Variants in PTPRT observed in about 807,000 individuals in gnomAD.
The protein encoded by PTPRT is receptor-type tyrosine-protein phosphatase T.
PTPRT carries 56 observed loss-of-function variants against 176.8 expected under a neutral mutation model. That is an observed-to-expected ratio of 0.32 (90% CI 0.26 to 0.40). The LOEUF (loss-of-function observed/expected upper bound fraction) is 0.40, where lower values mean the gene tolerates loss of function less well. PTPRT is among the 10% of genes least tolerant of loss of function. PTPRT has a pLI of 1.00. For synonymous variants in PTPRT, 783 were observed against 739.0 expected (o/e 1.06, Z -0.96); for missense variants, 1,540 against 1,908.2 (o/e 0.81, Z 3.60).
chr20:42,785,767 C>A (rs1286168671), intron 3 of PTPRT, among the ~76,000 whole-genome samples: 1 of 152,194 alleles, frequency 6.6e-6, no homozygotes, highest in Non-Finnish European at 1.5e-5. Flanking sequence ...CTTAACAACA[C>A]TGGCTATTTC....
At chr20:43,003,633 T>G (rs1291484591) in intron 1 of PTPRT, among the ~76,000 whole-genome samples, 1 of 152,224 alleles carries the variant, frequency 6.6e-6, no homozygotes, top group Non-Finnish European at 1.5e-5. Context: ...CAATACAGAT[T>G]TTTAAAAACT....
intron 1 of PTPRT, among the ~76,000 whole-genome samples, chr20:43,057,132 T>C (rs13040901): frequency 0.49 from 73,593 of 149,496 alleles, 19,075 homozygotes; most frequent in African/African-American, 0.65. Flanking sequence ...TGGGGAAGAG[T>C]GTGTCTCTTA....
chr20:42,668,858 ATTTTT>A (rs755121515), intron 7 of PTPRT, among the ~76,000 whole-genome samples: 5 of 81,276 alleles, frequency 6.2e-5, no homozygotes, highest in Non-Finnish European at 1.1e-4. Context: ...CGCCCAGCTA[ATTTTT>A]TTTTTTTTTT....
intron 15 of PTPRT, among the ~76,000 whole-genome samples, chr20:42,233,506 T>C (rs1398812868): frequency 6.6e-6 from 1 of 152,144 alleles, no homozygotes; most frequent in African/African-American, 2.4e-5. Flanking sequence ...TGGGCTAATG[T>C]ATGTACAGAC....
chr20:42,253,389 G>A (rs1322288340), intron 13 of PTPRT, among the ~76,000 whole-genome samples: 1 of 152,184 alleles, frequency 6.6e-6, no homozygotes, highest in Non-Finnish European at 1.5e-5. Flanking sequence ...CCCACTGGAA[G>A]CCCTTCAGTG....
chr20:42,058,153 T>A, the PTPRT span, among the ~76,000 whole-genome samples: 1 of 152,236 alleles, frequency 6.6e-6, no homozygotes, highest in Non-Finnish European at 1.5e-5. Context: ...ACTAATGAGA[T>A]GACCAATGAG....
intron 7 of PTPRT, among the ~76,000 whole-genome samples, chr20:42,672,276 C>T (rs1190145450): frequency 6.6e-6 from 1 of 152,174 alleles, no homozygotes; most frequent in African/African-American, 2.4e-5. Context: ...CATGTAAAGA[C>T]TAGACTGGCT....
chr20:42,099,542 T>TGGGTGGGGGGGGG (rs1325217305), intron 26 of PTPRT, among the ~76,000 whole-genome samples: 2 of 8,708 alleles, frequency 2.3e-4, no homozygotes, highest in Admixed American at 1.4e-3. Context: ...GAAAATGGCC[T>TGGGTGGGGGGGGG]GGGCGGGGGG....
At chr20:42,332,279 G>A (rs1156346357) in intron 11 of PTPRT, among the ~76,000 whole-genome samples, 1 of 151,856 alleles carries the variant, frequency 6.6e-6, no homozygotes, top group Non-Finnish European at 1.5e-5. Flanking sequence ...GCGTAATCTC[G>A]GCTCACTGCA....
intron 7 of PTPRT, among the ~76,000 whole-genome samples, chr20:42,528,817 C>T (rs1009587412): frequency 2.0e-5 from 3 of 152,218 alleles, no homozygotes; most frequent in Non-Finnish European, 4.4e-5. Flanking sequence ...TTAGATATCT[C>T]TATCTCAAAA....
chr20:43,085,576 T>C (rs951665355), intron 1 of PTPRT, among the ~76,000 whole-genome samples: 9 of 152,282 alleles, frequency 5.9e-5, no homozygotes, highest in African/African-American at 2.2e-4. Flanking sequence ...CTCACAATCA[T>C]GGCAGAAGGT....
intron 1 of PTPRT, among the ~76,000 whole-genome samples, chr20:43,083,320 G>GTGTGTATATATATATA (rs1299320498): frequency 2.9e-4 from 11 of 37,382 alleles, no homozygotes; most frequent in East Asian, 1.8e-3. Context: ...CACTTCAAAT[G>GTGTGTATATATATATA]TATATATATA....
chr20:42,335,227 T>C (rs2058023512), intron 11 of PTPRT, among the ~76,000 whole-genome samples: 1 of 152,126 alleles, frequency 6.6e-6, no homozygotes, highest in South Asian at 2.1e-4. Context: ...CACAAAACCA[T>C]CAAACCTTTG....
chr20:43,058,088 T>C (rs1292985773), intron 1 of PTPRT, among the ~76,000 whole-genome samples: 3 of 152,114 alleles, frequency 2.0e-5, no homozygotes, highest in Admixed American at 2.0e-4. Flanking sequence ...TGCACACAGC[T>C]GGAGAGAAGC....
intron 1 of PTPRT, among the ~76,000 whole-genome samples, chr20:43,114,496 G>T (rs1353730916): frequency 6.6e-6 from 1 of 152,194 alleles, no homozygotes; most frequent in Non-Finnish European, 1.5e-5. Context: ...CTGGAATAAT[G>T]CAGCACCTAC....
At chr20:43,184,931 C>A (rs2015353765) in intron 1 of PTPRT, among the ~76,000 whole-genome samples, 1 of 152,146 alleles carries the variant, frequency 6.6e-6, no homozygotes, top group Admixed American at 6.5e-5. Context: ...ATAAAAGTGT[C>A]CAGCAGGACC....
rs1225011786 is a variant in PTPRT, at chr20:42,184,516, C to CCTCT, written c.2491+14723_2491+14724insAGAG. Among the ~76,000 whole-genome samples, 150 of 139,468 alleles carry CCTCT rather than the reference C, an allele frequency of 1.1e-3. 2 individuals carry two copies. Among genetic ancestry groups the CCTCT allele is most frequent in the African/African-American group, 3.7e-3 (138 of 36,948 alleles). The allele number at this position is 139,468 out of a possible 152,430, so 91.5% of individuals were successfully genotyped here. A position where few individuals can be genotyped will look rare whatever the true frequency, so the allele number is the denominator to read the frequency against. On this transcript the variant is annotated intron_variant, in intron 16 of 30. Coordinates refer to ENST00000373187, the MANE Select transcript of PTPRT (RefSeq NM_007050.6). ...TCCTCCCCCCTTCCTCCTCCTCCTC[C>CCTCT]TCCTTCTTCTTCTTCTTCCTCTTCC...
At chr20:42,743,501 AT>A (rs1443040103) in intron 6 of PTPRT, among the ~76,000 whole-genome samples, 1 of 152,172 alleles carries the variant, frequency 6.6e-6, no homozygotes, top group Non-Finnish European at 1.5e-5. Flanking sequence ...TTTTTATACT[AT>A]TTTAGAAAGG....
At chr20:42,427,530 C>T (rs954864253) in intron 9 of PTPRT, among the ~76,000 whole-genome samples, 2 of 152,030 alleles carry the variant, frequency 1.3e-5, no homozygotes, top group East Asian at 1.9e-4. Context: ...TGTGTCTTAA[C>T]GTGGCAGAAG....
Sources: allele counts gnomAD v4.1 joint callset (sites outside exome capture counted in the v4.1 genomes callset), GRCh38; gene constraint gnomAD v4.1.1; transcripts MANE v1.5; gene names NCBI Gene and HGNC (gene_info 2026-07-23, HGNC 2026-07-21).